Variants in MTHFD2L observed in about 807,000 individuals in gnomAD.
MTHFD2L encodes the protein methylenetetrahydrofolate dehydrogenase (NADP+ dependent) 2 like, also known as bifunctional methylenetetrahydrofolate dehydrogenase/cyclohydrolase 2, mitochondrial.
MTHFD2L carries 29 observed loss-of-function variants against 34.9 expected under a neutral mutation model. The observed-to-expected ratio is 0.83, with a 90% CI of 0.62 to 1.13. MTHFD2L has a LOEUF of 1.13. MTHFD2L is among the 50% of genes most tolerant of loss of function. The pLI is 0.00. For missense variants in MTHFD2L, 481 were observed against 446.5 expected, an observed-to-expected ratio of 1.08 and a Z score of -0.70; for synonymous variants, 167 against 155.7, an observed-to-expected ratio of 1.07 and a Z score of -0.54.
chr4:74,297,756 G>A (rs926957377), intron 7 of MTHFD2L, among the ~76,000 whole-genome samples: 1 of 152,022 alleles, frequency 6.6e-6, no homozygotes, highest in Admixed American at 6.6e-5. Flanking sequence ...CATCAAACAT[G>A]AATAGAATTT....
intron 6 of MTHFD2L, among the ~76,000 whole-genome samples, chr4:74,253,845 G>C (rs1251655520): frequency 6.6e-6 from 1 of 152,098 alleles, no homozygotes; most frequent in Non-Finnish European, 1.5e-5. Flanking sequence ...CAGGCCCCAG[G>C]TCTACCTCAC....
chr4:74,242,828 A>G (rs986538292), intron 6 of MTHFD2L, among the ~76,000 whole-genome samples: 2 of 152,246 alleles, frequency 1.3e-5, no homozygotes, highest in African/African-American at 4.8e-5. Flanking sequence ...CCTTGGCAGT[A>G]CTTTTTGATA....
chr4:74,116,896 C>T (rs1281303110), intron 2 of MTHFD2L, among the ~76,000 whole-genome samples: 1 of 152,238 alleles, frequency 6.6e-6, no homozygotes, highest in Admixed American at 6.5e-5. Flanking sequence ...AAATGACACT[C>T]ATGTCTGCTA....
intron 5 of MTHFD2L, among the ~76,000 whole-genome samples, chr4:74,220,754 C>T (rs148743472): frequency 0.012 from 1,769 of 151,536 alleles, 41 homozygotes; most frequent in African/African-American, 0.041. Flanking sequence ...AAGCTATTTA[C>T]ATCTGTATAT....
intron 6 of MTHFD2L, among the ~76,000 whole-genome samples, chr4:74,248,212 A>G (rs1159873517): frequency 6.6e-6 from 1 of 151,760 alleles, no homozygotes; most frequent in Non-Finnish European, 1.5e-5. Context: ...GTCTTGGGAG[A>G]GTGTATGTGT....
intron 3 of MTHFD2L, among the ~76,000 whole-genome samples, chr4:74,179,048 A>G (rs945135536): frequency 2.0e-5 from 3 of 152,016 alleles, no homozygotes; most frequent in African/African-American, 7.2e-5. Context: ...GAATCCTACA[A>G]ACACCCTTAT....
chr4:74,195,065 C>G (rs1246416555), intron 3 of MTHFD2L: 1 of 152,178 alleles, frequency 6.6e-6, no homozygotes, highest in Non-Finnish European at 1.5e-5. Context: ...GGTGACAGTT[C>G]TTTTTTAGGA....
At chr4:74,157,094 T>C (rs1724338388), upstream of MTHFD2L, 1 of 152,560 alleles carries the variant, frequency 6.6e-6, no homozygotes. Flanking sequence ...TAAAGTCTCA[T>C]TGCCAAACCC....
At chr4:74,139,773 T>G (rs1182051131) in intron 1 of MTHFD2L, among the ~76,000 whole-genome samples, 1 of 152,236 alleles carries the variant, frequency 6.6e-6, no homozygotes, top group African/African-American at 2.4e-5. Flanking sequence ...TGACATGTTC[T>G]CTTTTAATTT....
At chr4:74,170,239 A>G (rs1727626677) in intron 1 of MTHFD2L, among the ~76,000 whole-genome samples, 1 of 152,218 alleles carries the variant, frequency 6.6e-6, no homozygotes, top group Non-Finnish European at 1.5e-5. Context: ...AAAATTTCAG[A>G]TGAAATCCAT....
At chr4:74,148,373 TTATTTATTTATTTATTTATCTATC>T (rs1254879022) in intron 1 of MTHFD2L, among the ~76,000 whole-genome samples, 64 of 29,034 alleles carry the variant, frequency 2.2e-3, no homozygotes, top group Middle Eastern at 0.031. Flanking sequence ...ATTTATTTAT[TTATTTATTTATTTATTTATCTATC>T]TATCTATTTA....
At chr4:74,265,619 A>G (rs1027236967) in intron 6 of MTHFD2L, among the ~76,000 whole-genome samples, 1 of 152,242 alleles carries the variant, frequency 6.6e-6, no homozygotes, top group African/African-American at 2.4e-5. Flanking sequence ...TTATTGAGTT[A>G]TTAAGCTGGA....
At chr4:74,186,169 T>C (rs1332216063) in intron 3 of MTHFD2L, among the ~76,000 whole-genome samples, 3 of 152,022 alleles carry the variant, frequency 2.0e-5, no homozygotes, top group Non-Finnish European at 4.4e-5. Flanking sequence ...ATTGGATAAA[T>C]TTCATCATTA....
intron 1 of MTHFD2L, chr4:74,160,116 C>G (rs1276672988): frequency 7.8e-7 from 1 of 1,285,344 alleles, no homozygotes; most frequent in Non-Finnish European, 1.0e-6. Context: ...CCCCACTTGT[C>G]CCCATCCACA....
intron 1 of MTHFD2L, among the ~76,000 whole-genome samples, chr4:74,167,719 A>G (rs1471481706): frequency 2.0e-5 from 3 of 152,174 alleles, no homozygotes; most frequent in African/African-American, 4.8e-5. Context: ...TGGAGAGAAC[A>G]TGGTGCAGTT....
At chr4:74,161,079 T>C (rs1209578609) in intron 1 of MTHFD2L, 1 of 152,236 alleles carries the variant, frequency 6.6e-6, no homozygotes, top group Non-Finnish European at 1.5e-5. Context: ...TTAAAAAAAT[T>C]GTGTACTGCC....
At chr4:74,183,936 G>T (rs1421987642) in intron 3 of MTHFD2L, 8 of 152,114 alleles carry the variant, frequency 5.3e-5, no homozygotes, top group African/African-American at 1.9e-4. Context: ...ACAAAAGTTT[G>T]TATGGAAGAA....
At chr4:74,195,101 A>G (rs1441118658) in intron 3 of MTHFD2L, 2 of 152,238 alleles carry the variant, frequency 1.3e-5, no homozygotes, top group East Asian at 1.9e-4. Context: ...ATAGAAAGCT[A>G]TAGCTAAGGT....
chr4:74,193,213 A>T (rs767139768), intron 3 of MTHFD2L, among the ~76,000 whole-genome samples: 17 of 152,188 alleles, frequency 1.1e-4, no homozygotes, highest in Non-Finnish European at 2.9e-5. Context: ...TGTTGAAAAC[A>T]CTTTGCTTTC....
Sources: gnomAD v4.1 joint callset for allele counts (sites outside exome capture counted in the v4.1 genomes callset) on GRCh38, gnomAD v4.1.1 for gene constraint, MANE v1.5 for transcripts, NCBI Gene and HGNC (gene_info 2026-07-23, HGNC 2026-07-21) for gene names.